CACNA1C: variants seen among roughly 807,000 people sequenced by gnomAD.
CACNA1C encodes the protein voltage-dependent L-type calcium channel subunit alpha-1C.
Under a neutral mutation model 229.0 loss-of-function variants are expected in CACNA1C, and 30 were observed. The observed-to-expected ratio is 0.13, with a 90% CI of 0.10 to 0.18. The LOEUF is 0.18. CACNA1C is among the 10% of genes least tolerant of loss of function. The pLI is 1.00. For synonymous variants in CACNA1C, 1,114 were observed against 1,132.5 expected, an observed-to-expected ratio of 0.98 and a Z score of 0.33; for missense variants, 1,658 against 2,845.0, an observed-to-expected ratio of 0.58 and a Z score of 9.49.
chr12:1,980,739 CT>C (rs1421025628), intron 1 of CACNA1C, among the ~76,000 whole-genome samples: 3 of 150,520 alleles, frequency 2.0e-5, no homozygotes, highest in African/African-American at 7.3e-5. Context: ...AAAAAAAGTT[CT>C]TATTTCATTT....
intron 9 of CACNA1C, among the ~76,000 whole-genome samples, chr12:2,533,129 G>GAAGGAT (rs1352034149): frequency 6.6e-6 from 1 of 152,176 alleles, no homozygotes; most frequent in African/African-American, 2.4e-5. Flanking sequence ...GGAGGGAGAG[G>GAAGGAT]CTGTTCAGTG....
intron 6 of CACNA1C, among the ~76,000 whole-genome samples, chr12:2,490,563 G>A (rs868114740): frequency 6.6e-6 from 1 of 152,112 alleles, no homozygotes; most frequent in Non-Finnish European, 1.5e-5. Context: ...GACTAGAATG[G>A]GTGACAACCC....
chr12:1,990,382 A>G (rs1242993627), intron 1 of CACNA1C, among the ~76,000 whole-genome samples: 1 of 152,212 alleles, frequency 6.6e-6, no homozygotes, highest in Admixed American at 6.5e-5. Flanking sequence ...CCCTTTAAAC[A>G]ATGTATAAAC....
intron 3 of CACNA1C, among the ~76,000 whole-genome samples, chr12:2,134,712 C>T (rs1269847007): frequency 4.7e-5 from 3 of 63,656 alleles, no homozygotes; most frequent in African/African-American, 7.3e-5. Flanking sequence ...GAGGGTAACC[C>T]GACCTTTCTC....
intron 1 of CACNA1C, among the ~76,000 whole-genome samples, chr12:2,089,933 G>A (rs188925259): frequency 4.6e-5 from 7 of 152,286 alleles, no homozygotes; most frequent in Admixed American, 2.0e-4. Context: ...GGAGGCTGAG[G>A]CAGGAGAATG....
intron 1 of CACNA1C, among the ~76,000 whole-genome samples, chr12:2,082,468 C>T (rs1375288533): frequency 1.3e-5 from 2 of 152,154 alleles, no homozygotes; most frequent in Admixed American, 6.5e-5. Context: ...GCTGTCGCTC[C>T]CCAGTTTCTA....
In CACNA1C at chr12:2,606,932, C is replaced by T. The variant is rs115779848; in HGVS notation, c.3210-52C>T. ...CATTCAAGGTCACTGGCAGGCCAGG[C>T]GTGAAGGAAGATGGGAGATCCCAGA... On this transcript the variant is annotated intron_variant, in intron 25 of 46. Transcript: ENST00000399655. 9.1e-4 allele frequency: 1,449 copies of T among 1,591,154 alleles called. 10 individuals are homozygous for T. In the African/African-American group the frequency reaches 0.017, roughly 19 times the overall value.
intron 3 of CACNA1C, among the ~76,000 whole-genome samples, chr12:2,239,972 T>A (rs1384658608): frequency 1.3e-5 from 2 of 152,232 alleles, no homozygotes; most frequent in East Asian, 3.8e-4. Context: ...AAAATTGAAA[T>A]GTTTTTAAAA....
intron 3 of CACNA1C, among the ~76,000 whole-genome samples, chr12:2,432,459 G>A (rs937573075): frequency 3.9e-5 from 6 of 152,170 alleles, no homozygotes; most frequent in African/African-American, 2.4e-5. Flanking sequence ...GACTGACCTG[G>A]GGAAAGGGAC....
chr12:2,677,347 G>A lies in CACNA1C; in HGVS notation c.4956+126G>A. ...GTCCCTGCAGAGGGAACCTTTCAGAGAGCTCCAGACCTTTCCAAAGATGGC... is the reference window on the plus strand; with the variant it reads ...GTCCCTGCAGAGGGAACCTTTCAGAAAGCTCCAGACCTTTCCAAAGATGGC... On this transcript the variant is annotated intron_variant, in intron 40 of 46. Coordinates refer to ENST00000399655, the MANE Select transcript of CACNA1C (RefSeq NM_000719.7). This position sits in a 1 kb window ranked among gnomAD's most constrained non-coding sequence, Gnocchi z 7.4. 1 of 1,080,262 alleles carries A rather than the reference G, an allele frequency of 9.3e-7. No individual in the cohort carries two copies. Among genetic ancestry groups the A allele is most frequent in the Non-Finnish European group, 1.3e-6 (1 of 762,842 alleles). 66.9% of individuals were successfully genotyped at this position (1,080,262 alleles called of 1,614,324 possible).
chr12:2,224,472 T>G (rs1108073), intron 3 of CACNA1C, among the ~76,000 whole-genome samples: 1 of 152,072 alleles, frequency 6.6e-6, no homozygotes, highest in African/African-American at 2.4e-5. Flanking sequence ...GACTCCCTTG[T>G]ACATGAGCTC....
chr12:2,136,141 G>C (rs888499413), intron 3 of CACNA1C, among the ~76,000 whole-genome samples: 1 of 151,412 alleles, frequency 6.6e-6, no homozygotes, highest in Non-Finnish European at 1.5e-5. Context: ...TCCCAGGTGA[G>C]GCAATGCCTC....
chr12:2,203,889 G>T (rs1051921959), intron 3 of CACNA1C, among the ~76,000 whole-genome samples: 4 of 152,202 alleles, frequency 2.6e-5, no homozygotes, highest in Non-Finnish European at 5.9e-5. Flanking sequence ...AAATCTCAGG[G>T]CCCAGGTCCC....
chr12:2,475,110 T>C (rs1361924794), intron 5 of CACNA1C, among the ~76,000 whole-genome samples: 1 of 151,956 alleles, frequency 6.6e-6, no homozygotes, highest in African/African-American at 2.4e-5. Context: ...CCATCCTGGC[T>C]AACACAGTGA....
intron 3 of CACNA1C, among the ~76,000 whole-genome samples, chr12:2,227,986 G>A (rs1318442648): frequency 6.6e-6 from 1 of 152,180 alleles, no homozygotes; most frequent in Non-Finnish European, 1.5e-5. Flanking sequence ...TCTCTTCCCA[G>A]GTGCCTTGTG....
intron 3 of CACNA1C, among the ~76,000 whole-genome samples, chr12:2,270,194 G>A (rs913371668): frequency 6.6e-6 from 1 of 152,196 alleles, no homozygotes; most frequent in African/African-American, 2.4e-5. Context: ...TAGAAGGCTC[G>A]TCCTGAGAAG....
At chr12:2,171,378 C>A (rs1365606354) in intron 3 of CACNA1C, among the ~76,000 whole-genome samples, 1 of 152,118 alleles carries the variant, frequency 6.6e-6, no homozygotes, top group Non-Finnish European at 1.5e-5. Context: ...CACGCCATCC[C>A]CACATGCTCT....
chr12:2,681,209 A>G (rs1286455363), intron 42 of CACNA1C, among the ~76,000 whole-genome samples: 3 of 152,178 alleles, frequency 2.0e-5, no homozygotes, highest in Non-Finnish European at 4.4e-5. Flanking sequence ...CTGTGACATA[A>G]GGGGAGAGGG....
intron 1 of CACNA1C, among the ~76,000 whole-genome samples, chr12:2,031,044 A>G (rs1340332663): frequency 2.0e-5 from 3 of 152,210 alleles, no homozygotes; most frequent in Non-Finnish European, 2.9e-5. Context: ...CAACTTACCC[A>G]TAATTAAGGA....
Sources: allele counts gnomAD v4.1 joint callset (sites outside exome capture counted in the v4.1 genomes callset), GRCh38; gene constraint gnomAD v4.1.1; non-coding constraint Gnocchi (gnomAD v3.1); transcripts MANE v1.5; gene names NCBI Gene and HGNC (gene_info 2026-07-23, HGNC 2026-07-21).